The following ZNF385D variants were observed in gnomAD, a reference collection of about 807,000 sequenced individuals.
ZNF385D encodes the protein zinc finger protein 659.
ZNF385D carries 15 observed loss-of-function variants against 35.8 expected under a neutral mutation model. That is an observed-to-expected ratio of 0.42 (90% confidence interval 0.28 to 0.64). The LOEUF (loss-of-function observed/expected upper bound fraction) is 0.64, where lower values mean the gene tolerates loss of function less well. Ranked by LOEUF, ZNF385D falls within the 30% of genes least tolerant of loss-of-function variation. ZNF385D has a pLI of 0.23. For synonymous variants in ZNF385D, 212 were observed against 186.8 expected (o/e 1.13, Z -1.10); for missense variants, 474 against 494.6 (o/e 0.96, Z 0.39).
At chr3:22,059,627 T>C (rs1051008861) in intron 3 of ZNF385D, among the ~76,000 whole-genome samples, 2 of 152,184 alleles carry the variant, frequency 1.3e-5, no homozygotes, top group African/African-American at 4.8e-5. Context: ...CATCAGCTTC[T>C]TGGAATGCCT....
chr3:21,974,955 G>C (rs898459808), intron 3 of ZNF385D, among the ~76,000 whole-genome samples: 1 of 152,092 alleles, frequency 6.6e-6, no homozygotes, highest in South Asian at 2.1e-4. Context: ...GGGAACCCTC[G>C]AACACTGTTA....
intron 3 of ZNF385D, among the ~76,000 whole-genome samples, chr3:22,111,369 A>T (rs1208254253): frequency 1.3e-5 from 2 of 151,952 alleles, no homozygotes; most frequent in Non-Finnish European, 2.9e-5. Flanking sequence ...GTTCAAGCAG[A>T]TGCTAGCAGA....
At chr3:22,350,167 C>T (rs1432693237) in intron 2 of ZNF385D, among the ~76,000 whole-genome samples, 1 of 152,106 alleles carries the variant, frequency 6.6e-6, no homozygotes, top group Non-Finnish European at 1.5e-5. Flanking sequence ...CGTTTACATG[C>T]AAAGAAGTTT....
chr3:21,848,024 C>T (rs543788580), intron 3 of ZNF385D, among the ~76,000 whole-genome samples: 2 of 152,136 alleles, frequency 1.3e-5, no homozygotes, highest in South Asian at 4.2e-4. Flanking sequence ...ACATTCTACT[C>T]CCTGCTTCTA....
In ZNF385D at chr3:22,279,241, C is replaced by A. The variant is rs138948189; in HGVS notation, c.106+93209G>T. ...ATGTGCACTATACCCAATGTGTAGT[C>A]TTTTATCCCTCACACCCCTCCCACT... On this transcript the variant is annotated intron_variant, in intron 2 of 5. Transcript: ENST00000494108. Among the ~76,000 whole-genome samples the A allele has an allele frequency of 1.6e-3, 242 of 151,914 alleles. 2 individuals carry two copies. Among genetic ancestry groups the A allele is most frequent in the Admixed American group, 9.9e-3 (151 of 15,186 alleles).
intron 2 of ZNF385D, among the ~76,000 whole-genome samples, chr3:21,583,998 A>G (rs986251779): frequency 4.1e-5 from 5 of 120,680 alleles, no homozygotes; most frequent in African/African-American, 1.5e-4. Context: ...TTTTTGAGAC[A>G]GAGTTTTGCC....
chr3:21,826,778 T>A (rs1337825834), intron 3 of ZNF385D, among the ~76,000 whole-genome samples: 1 of 140,056 alleles, frequency 7.1e-6, no homozygotes, highest in Admixed American at 7.3e-5. Flanking sequence ...ACTGTTCACA[T>A]AAACAGAGAA....
intron 3 of ZNF385D, among the ~76,000 whole-genome samples, chr3:21,881,515 A>G (rs868128384): frequency 2.6e-5 from 4 of 152,048 alleles, no homozygotes; most frequent in Admixed American, 1.3e-4. Context: ...TTAAAATATT[A>G]CTGTCCATTG....
At chr3:22,115,392 G>A (rs1165635494) in intron 3 of ZNF385D, among the ~76,000 whole-genome samples, 2 of 152,070 alleles carry the variant, frequency 1.3e-5, no homozygotes, top group Admixed American at 6.6e-5. Context: ...AGTAGAAAGA[G>A]AACATAGGTG....
intron 2 of ZNF385D, among the ~76,000 whole-genome samples, chr3:22,358,309 C>A (rs976102160): frequency 6.6e-6 from 1 of 151,918 alleles, no homozygotes; most frequent in African/African-American, 2.4e-5. Flanking sequence ...CCAGATCTCA[C>A]CATTGTTGAG....
At chr3:22,274,481 G>T (rs1701327356) in intron 2 of ZNF385D, among the ~76,000 whole-genome samples, 3 of 151,918 alleles carry the variant, frequency 2.0e-5, no homozygotes, top group Non-Finnish European at 4.4e-5. Flanking sequence ...CTCTGAGGAA[G>T]CATGGATAAT....
chr3:21,786,574 A>G (rs979017754), intron 3 of ZNF385D, among the ~76,000 whole-genome samples: 1 of 152,204 alleles, frequency 6.6e-6, no homozygotes, highest in African/African-American at 2.4e-5. Flanking sequence ...GAATCAATCT[A>G]TGCTAGGCCA....
At chr3:21,904,629 T>C (rs1290547181) in intron 3 of ZNF385D, among the ~76,000 whole-genome samples, 6 of 152,160 alleles carry the variant, frequency 3.9e-5, no homozygotes, top group African/African-American at 1.4e-4. Context: ...CCAGCCCTAA[T>C]GCAGAATAAC....
intron 3 of ZNF385D, among the ~76,000 whole-genome samples, chr3:21,886,967 C>T (rs755690276): frequency 1.3e-5 from 2 of 152,114 alleles, no homozygotes; most frequent in East Asian, 1.9e-4. Flanking sequence ...CAACGCCACA[C>T]GTTTTCAAAG....
chr3:21,424,301 T>TTATATA lies in ZNF385D; in HGVS notation c.853-243_853-238dup, dbSNP rs1228574145. Among the ~76,000 whole-genome samples the TTATATA allele has an allele frequency of 3.9e-4, 31 of 80,150 alleles. 2 individuals are homozygous for TTATATA. Among genetic ancestry groups the TTATATA allele is most frequent in the South Asian group, 2.0e-3 (4 of 2,038 alleles). 52.6% of individuals were successfully genotyped at this position (80,150 alleles called of 152,430 possible). ...TATATATATACTTATATATATATAT[T>TTATATA]TATATATATATATATATTTTTTTTT... On this transcript the variant is annotated intron_variant, in intron 6 of 7. Transcript: ENST00000281523.
chr3:21,665,138 A>G (rs1351541374), intron 1 of ZNF385D, 110 bp from the exon 2 acceptor site: 2 of 1,371,430 alleles, frequency 1.5e-6, no homozygotes, highest in Non-Finnish European at 1.9e-6. Context: ...TGGAAAAAAC[A>G]AGACATGGAC....
At chr3:22,372,760 G>C (rs1031905530) in exon 2 of ZNF385D, 2 of 152,398 alleles carry the variant, frequency 1.3e-5, no homozygotes, top group Admixed American at 1.3e-4. Flanking sequence ...CGCTCCGCAC[G>C]AGTCCCGAGC....
intron 2 of ZNF385D, among the ~76,000 whole-genome samples, chr3:22,357,497 AC>A (rs1202303469): frequency 6.6e-6 from 1 of 151,932 alleles, no homozygotes; most frequent in Non-Finnish European, 1.5e-5. Context: ...TTGGAAGCAT[AC>A]AGTTATGTCT....
intron 3 of ZNF385D, among the ~76,000 whole-genome samples, chr3:22,029,263 A>G (rs1274095673): frequency 4.6e-5 from 7 of 152,182 alleles, no homozygotes; most frequent in Admixed American, 1.3e-4. Flanking sequence ...AAATTAATCT[A>G]TTACTCCAGC....
Sources: allele counts gnomAD v4.1 joint callset (sites outside exome capture counted in the v4.1 genomes callset), GRCh38; gene constraint gnomAD v4.1.1; transcripts MANE v1.5; gene names NCBI Gene and HGNC (gene_info 2026-07-23, HGNC 2026-07-21).